The following INTS9 variants were observed in gnomAD, a reference collection of about 807,000 sequenced individuals.
The protein encoded by INTS9 is protein related to CPSF subunits of 74 kDa.
Under a neutral mutation model 79.7 loss-of-function variants are expected in INTS9, and 55 were observed. The ratio of observed to expected loss-of-function variants is 0.69; its 90% CI spans 0.56 to 0.86. The LOEUF (loss-of-function observed/expected upper bound fraction) is 0.86, where lower values mean the gene tolerates loss of function less well. INTS9 is among the 40% of genes least tolerant of loss of function. The pLI is 0.00. For missense variants in INTS9, 721 were observed against 831.5 expected (o/e 0.87, Z 1.64); for synonymous variants, 319 against 325.2 (o/e 0.98, Z 0.20).
intron 8 of INTS9, among the ~76,000 whole-genome samples, chr8:28,806,445 A>G (rs2131016552): frequency 6.6e-6 from 1 of 152,392 alleles, no homozygotes; most frequent in Admixed American, 6.5e-5. Context: ...AACTACAGTG[A>G]GAAACAGATA....
intron 6 of INTS9, among the ~76,000 whole-genome samples, chr8:28,817,409 G>T (rs962386265): frequency 6.6e-6 from 1 of 151,968 alleles, no homozygotes; most frequent in Non-Finnish European, 1.5e-5. Flanking sequence ...TATTAAATAG[G>T]GAATCCTTTC....
intron 1 of INTS9, among the ~76,000 whole-genome samples, chr8:28,879,422 T>C (rs1809574722): frequency 6.6e-6 from 1 of 152,214 alleles, no homozygotes; most frequent in African/African-American, 2.4e-5. Context: ...ATCATCAGCC[T>C]GATACAGGGC....
chr8:28,860,895 T>C (rs1235574569), intron 1 of INTS9, among the ~76,000 whole-genome samples: 2 of 152,246 alleles, frequency 1.3e-5, no homozygotes, highest in Non-Finnish European at 2.9e-5. Context: ...TGTTGCTCTG[T>C]TGGTTCTATC....
rs921732561 is a variant in INTS9 at position 28,837,778 on chromosome 8, T to A, written c.262-2A>T. 5 of 1,612,188 alleles carry A rather than the reference T, an allele frequency of 3.1e-6. No homozygotes were observed. Among genetic ancestry groups the A allele is most frequent in the Non-Finnish European group, 4.2e-6 (5 of 1,178,706 alleles). On this transcript the variant is annotated splice_acceptor_variant, in intron 4 of 16. Transcript: ENST00000521022. LOFTEE classifies it high-confidence loss of function. ...TGTAGACAGATCTATTAGCTCCGTCTGAAAAGAAAGGGAGGGAATGATATA... is the reference window on the plus strand; with the variant it reads ...TGTAGACAGATCTATTAGCTCCGTCAGAAAAGAAAGGGAGGGAATGATATA...
At chr8:28,822,024 C>T (rs1172309767) in intron 6 of INTS9, among the ~76,000 whole-genome samples, 1 of 152,036 alleles carries the variant, frequency 6.6e-6, no homozygotes, top group East Asian at 1.9e-4. Context: ...GCCGTGGCCT[C>T]CCAAAGTGCT....
At chr8:28,807,963 A>G (rs917630012) in intron 8 of INTS9, among the ~76,000 whole-genome samples, 1 of 152,244 alleles carries the variant, frequency 6.6e-6, no homozygotes, top group Admixed American at 6.5e-5. Flanking sequence ...TAGAATTAAG[A>G]GAATTCAGCA....
intron 1 of INTS9, among the ~76,000 whole-genome samples, chr8:28,875,968 A>G (rs778130446): frequency 5.9e-5 from 9 of 152,234 alleles, no homozygotes; most frequent in Non-Finnish European, 8.8e-5. Flanking sequence ...ATAGTCATCA[A>G]CAGTTTCCTC....
Position 28,835,392 on chromosome 8 carries a change from A to ATT in INTS9, c.402-15_402-14insAA. On this transcript the variant is annotated splice_polypyrimidine_tract_variant and intron_variant, in intron 5 of 16. Coordinates refer to ENST00000521022, the MANE Select transcript of INTS9 (RefSeq NM_018250.4). The stretch of plus-strand genomic sequence containing the variant: ...TCCATGAGAAGCCTGAGTTTAAACA[A>ATT]AACAAGTGAGGAACACCCATTAAAA... 2 of 1,603,910 alleles carry ATT rather than the reference A, an allele frequency of 1.2e-6. No homozygotes were observed. The highest frequency in any genetic ancestry group is 1.7e-6 in the Non-Finnish European group (2 of 1,171,472).
intron 1 of INTS9, among the ~76,000 whole-genome samples, chr8:28,880,707 T>C (rs775501067): frequency 4.7e-4 from 60 of 128,282 alleles, no homozygotes; most frequent in South Asian, 1.1e-3. Flanking sequence ...GCGTCTCTGC[T>C]TGGCCACCCA....
Position 28,771,789 on chromosome 8 carries a change from G to A in INTS9, c.1564-709C>T, listed in dbSNP as rs183318557. On this transcript the variant is annotated intron_variant, in intron 14 of 16. Coordinates refer to ENST00000521022, the MANE Select transcript of INTS9 (RefSeq NM_018250.4). ...GGCCCCTCCTCCCTGCACAAGGCTG[G>A]GGTGGGAGCTTTGGGGATGGCGTTC... 5.9e-5 allele frequency among the ~76,000 whole-genome samples: 9 copies of A among 152,368 alleles called. No homozygotes were observed. In the East Asian group the frequency reaches 1.7e-3, roughly 29 times the overall value.
At chr8:28,831,184 T>C (rs138362728) in intron 6 of INTS9, among the ~76,000 whole-genome samples, 162 of 152,288 alleles carry the variant, frequency 1.1e-3, no homozygotes, top group African/African-American at 3.6e-3. Flanking sequence ...CTGAAGCCAT[T>C]ATCCTCAGCA....
chr8:28,797,089 G>A (rs1263771480), intron 8 of INTS9: 1 of 155,076 alleles, frequency 6.4e-6, no homozygotes, highest in African/African-American at 2.4e-5. Context: ...GCTAAAACAC[G>A]GATTGTTGGG....
chr8:28,772,406 C>T (rs184974747), intron 14 of INTS9, among the ~76,000 whole-genome samples: 71 of 152,222 alleles, frequency 4.7e-4, no homozygotes, highest in Non-Finnish European at 5.6e-4. Flanking sequence ...CCCAGCTACT[C>T]GAGAGCCTAG....
At chr8:28,876,700 T>A (rs1332777606) in intron 1 of INTS9, among the ~76,000 whole-genome samples, 1 of 151,732 alleles carries the variant, frequency 6.6e-6, no homozygotes, top group African/African-American at 2.4e-5. Flanking sequence ...AAAAAAAAAA[T>A]CTGCAAAGTT....
chr8:28,883,947 C>G (rs1585540843), intron 1 of INTS9, among the ~76,000 whole-genome samples: 1 of 152,176 alleles, frequency 6.6e-6, no homozygotes, highest in Admixed American at 6.5e-5. Flanking sequence ...GAACTGTTAA[C>G]TAAATATTGC....
At chr8:28,809,437 C>T (rs186057533) in intron 8 of INTS9, among the ~76,000 whole-genome samples, 2 of 152,324 alleles carry the variant, frequency 1.3e-5, no homozygotes, top group Non-Finnish European at 1.5e-5. Context: ...CCTGCCAATT[C>T]AATACACAAT....
intron 8 of INTS9, 63 bp downstream of exon 8, chr8:28,812,264 T>C (rs1585395841): frequency 6.6e-7 from 1 of 1,509,544 alleles, no homozygotes. Flanking sequence ...GTTCCTTGGA[T>C]ACATTCTGAA....
chr8:28,821,465 T>C (rs1342562590), intron 6 of INTS9, among the ~76,000 whole-genome samples: 1 of 152,136 alleles, frequency 6.6e-6, no homozygotes, highest in African/African-American at 2.4e-5. Context: ...CCACAACATG[T>C]GGGAATTCTG....
intron 6 of INTS9, among the ~76,000 whole-genome samples, chr8:28,822,002 A>G (rs1585414866): frequency 6.6e-6 from 1 of 152,142 alleles, no homozygotes; most frequent in East Asian, 1.9e-4. Context: ...CCTGGACTCA[A>G]GCGATCTGCC....
Sources: gnomAD v4.1 joint callset for allele counts (sites outside exome capture counted in the v4.1 genomes callset) on GRCh38, gnomAD v4.1.1 for gene constraint, MANE v1.5 for transcripts, NCBI Gene and HGNC (gene_info 2026-07-23, HGNC 2026-07-21) for gene names.